CHD2: variants seen among roughly 807,000 people sequenced by gnomAD.
CHD2 encodes chromodomain helicase DNA binding protein 2.
In CHD2, 28 loss-of-function variants were observed where a neutral mutation model predicts 243.9. The ratio of observed to expected loss-of-function variants is 0.11; its 90% CI spans 0.09 to 0.16. CHD2 has a LOEUF of 0.16. Ranked by LOEUF, CHD2 falls within the 10% of genes least tolerant of loss-of-function variation. The probability of loss-of-function intolerance (pLI) is 1.00; values close to 1 mark genes in which losing one functional copy is unlikely to be tolerated. For missense variants in CHD2, 1,386 were observed against 2,209.8 expected (o/e 0.63, Z 7.47); for synonymous variants, 775 against 779.0 (o/e 0.99, Z 0.09).
Position 92,981,357 on chromosome 15 carries a change from T to G in CHD2, c.2974-8T>G. The G allele has an allele frequency of 6.2e-7, 1 of 1,610,114 alleles. No homozygotes were observed. The highest frequency in any genetic ancestry group is 8.5e-7 in the Non-Finnish European group (1 of 1,176,660). On this transcript the variant is annotated splice_region_variant and splice_polypyrimidine_tract_variant and intron_variant, in intron 23 of 38. Coordinates refer to ENST00000394196, the MANE Select transcript of CHD2 (RefSeq NM_001271.4). ...TTATTCTATTCGTGTTGGCTTTTGT[T>G]CTTTTAGGAAATGGATATAGATGAA... is the stretch of plus-strand genomic sequence containing the variant.
At chr15:92,971,957 A>G (rs1024400554) in intron 18 of CHD2, 30 bp downstream of exon 18, 12 of 1,588,256 alleles carry the variant, frequency 7.6e-6, no homozygotes, top group Non-Finnish European at 1.0e-5. Flanking sequence ...TACTTTCTCA[A>G]AAAAAACGCT....
chr15:93,011,016 C>T (rs1235715346), intron 35 of CHD2, among the ~76,000 whole-genome samples: 3 of 151,688 alleles, frequency 2.0e-5, no homozygotes, highest in African/African-American at 7.3e-5. Flanking sequence ...CAAAATGGTA[C>T]TTTTTTTTCC....
At chr15:92,966,929 T>C (rs888092950) in intron 16 of CHD2, among the ~76,000 whole-genome samples, 4 of 142,686 alleles carry the variant, frequency 2.8e-5, no homozygotes, top group African/African-American at 1.0e-4. Context: ...AAAAAAGGAA[T>C]GACTATTTAT....
At position 92,974,964 on chromosome 15, in the gene CHD2, G is replaced by C; in HGVS notation, c.2577+14G>C. ...GATGGGTCTGAGGTATACTATGCAT[G>C]GCTTTGTTATTTGAGCAACTTGGGC... is the stretch of plus-strand genomic sequence containing the variant. On this transcript the variant is annotated intron_variant, in intron 20 of 38. Transcript: ENST00000394196. The C allele has an allele frequency of 6.2e-7, 1 of 1,610,534 alleles. No homozygotes were observed. Among genetic ancestry groups the C allele is most frequent in the Non-Finnish European group, 8.5e-7 (1 of 1,177,318 alleles).
chr15:92,924,672 A>AT, intron 3 of CHD2, 120 bp downstream of exon 3: 1 of 747,566 alleles, frequency 1.3e-6, no homozygotes, highest in Admixed American at 2.2e-5. Context: ...CATTTTTTCT[A>AT]GTAATATACA....
At chr15:92,913,535 CAA>C (rs1463258346) in intron 2 of CHD2, among the ~76,000 whole-genome samples, 1 of 152,170 alleles carries the variant, frequency 6.6e-6, no homozygotes, top group African/African-American at 2.4e-5. Flanking sequence ...CCCACAATAA[CAA>C]ATTATCCAGC....
chr15:93,022,032 T>C (rs2054540329), intron 38 of CHD2: 1 of 152,268 alleles, frequency 6.6e-6, no homozygotes, highest in Admixed American at 6.5e-5. Flanking sequence ...ACCAGAGCAG[T>C]GCTCAGTCAA....
intron 2 of CHD2, among the ~76,000 whole-genome samples, chr15:92,911,453 CTT>C (rs1481843175): frequency 7.2e-5 from 11 of 152,160 alleles, no homozygotes; most frequent in African/African-American, 2.4e-4. Flanking sequence ...TAAGAGGAAA[CTT>C]AGCCGGGTGT....
At chr15:92,992,744 C>T (rs1438033220) in intron 27 of CHD2, 115 bp from the exon 28 acceptor site, 27 of 1,312,158 alleles carry the variant, frequency 2.1e-5, no homozygotes, top group African/African-American at 4.4e-5. Context: ...ACTAAAGGAA[C>T]GCAAAGAAAA....
rs2053382612 is a variant in CHD2, at chr15:92,941,538, A to G, written c.693-284A>G. Among the ~76,000 whole-genome samples, 5 of 152,142 alleles carry G rather than the reference A, an allele frequency of 3.3e-5. No homozygotes were observed. In the South Asian group the frequency reaches 1.0e-3, roughly 31 times the overall value. On this transcript the variant is annotated intron_variant, in intron 7 of 38. Transcript: ENST00000394196. ...AATCTGATACTAAAAAATGAAAAAAATAGAAGTGTCCTTATAGTTTTCTAT... is the reference window on the plus strand; with the variant it reads ...AATCTGATACTAAAAAATGAAAAAAGTAGAAGTGTCCTTATAGTTTTCTAT...
intron 38 of CHD2, 167 bp downstream of exon 38, chr15:93,020,425 T>C (rs2054520222): frequency 1.2e-6 from 1 of 865,212 alleles, no homozygotes; most frequent in African/African-American, 1.7e-5. Flanking sequence ...TTTTATGTTT[T>C]GTTTTGTGGG....
At chr15:92,934,902 A>G (rs933048263) in intron 5 of CHD2, among the ~76,000 whole-genome samples, 13 of 152,298 alleles carry the variant, frequency 8.5e-5, no homozygotes, top group African/African-American at 3.1e-4. Context: ...TCAGTGAGTT[A>G]TGATTGAAAG....
At chr15:93,022,338 C>T (rs945141884) in intron 38 of CHD2, among the ~76,000 whole-genome samples, 9 of 152,100 alleles carry the variant, frequency 5.9e-5, no homozygotes, top group Admixed American at 5.9e-4. Flanking sequence ...CCAGCTCTCA[C>T]GTGAACTCAG....
chr15:93,019,930 T>A (rs1298760039), intron 37 of CHD2, 82 bp from the exon 38 acceptor site: 8 of 1,345,504 alleles, frequency 5.9e-6, no homozygotes, highest in Non-Finnish European at 8.2e-6. Context: ...CACGACTCCA[T>A]CTCCAAAAAA....
intron 2 of CHD2, among the ~76,000 whole-genome samples, chr15:92,916,906 G>T (rs2052848871): frequency 6.6e-6 from 1 of 152,186 alleles, no homozygotes; most frequent in Non-Finnish European, 1.5e-5. Flanking sequence ...TTAATACTAA[G>T]AGACTTTAAT....
chr15:92,934,092 G>A (rs2053223837), intron 5 of CHD2, among the ~76,000 whole-genome samples: 1 of 152,138 alleles, frequency 6.6e-6, no homozygotes, highest in Non-Finnish European at 1.5e-5. Flanking sequence ...CTTCTAAGTG[G>A]AGGAAAAAGG....
chr15:92,980,222 CTTTTTTTTT>C (rs55979414), intron 22 of CHD2, among the ~76,000 whole-genome samples: 1 of 124,938 alleles, frequency 8.0e-6, no homozygotes, highest in African/African-American at 3.0e-5. Context: ...TTTTTTTTTT[CTTTTTTTTT>C]TTTTTTTTTA....
intron 2 of CHD2, among the ~76,000 whole-genome samples, chr15:92,910,968 C>T (rs2052723374): frequency 6.6e-6 from 1 of 152,124 alleles, no homozygotes; most frequent in Non-Finnish European, 1.5e-5. Context: ...GTACTGAATG[C>T]TGTAGGTGAT....
At chr15:92,996,932 C>T in intron 28 of CHD2, 25 bp from the exon 29 acceptor site, 3 of 1,590,578 alleles carry the variant, frequency 1.9e-6, no homozygotes, top group Non-Finnish European at 2.6e-6. Flanking sequence ...TTTCATTTAA[C>T]TAATGTGAAA....
Sources: allele counts gnomAD v4.1 joint callset (sites outside exome capture counted in the v4.1 genomes callset), GRCh38; gene constraint gnomAD v4.1.1; transcripts MANE v1.5; gene names NCBI Gene and HGNC (gene_info 2026-07-23, HGNC 2026-07-21).